The following EEFSEC variants were observed in gnomAD, a reference collection of about 807,000 sequenced individuals.
EEFSEC encodes eukaryotic elongation factor, selenocysteine-tRNA specific, also known as selenocysteine-specific elongation factor.
Under a neutral mutation model 42.1 loss-of-function variants are expected in EEFSEC, and 43 were observed. The ratio of observed to expected loss-of-function variants is 1.02; its 90% CI spans 0.80 to 1.32. The LOEUF is 1.32. Ranked by LOEUF, EEFSEC falls within the 40% of genes most tolerant of loss-of-function variation. The pLI is 0.00. For missense variants in EEFSEC, 745 were observed against 803.6 expected, an observed-to-expected ratio of 0.93 and a Z score of 0.88; for synonymous variants, 354 against 339.1, an observed-to-expected ratio of 1.04 and a Z score of -0.48.
intron 4 of EEFSEC, among the ~76,000 whole-genome samples, chr3:128,269,519 T>A (rs562317341): frequency 6.6e-6 from 1 of 152,342 alleles, no homozygotes; most frequent in South Asian, 2.1e-4. Flanking sequence ...CACAGTGACA[T>A]CCCTGTCAGA....
chr3:128,184,598 T>TTA (rs1165561026), intron 1 of EEFSEC, among the ~76,000 whole-genome samples: 1 of 152,218 alleles, frequency 6.6e-6, no homozygotes, highest in Non-Finnish European at 1.5e-5. Context: ...GTATATTTAT[T>TTA]TATAGCCATC....
At chr3:128,277,087 G>T (rs1051504029) in intron 4 of EEFSEC, among the ~76,000 whole-genome samples, 1 of 152,246 alleles carries the variant, frequency 6.6e-6, no homozygotes, top group Non-Finnish European at 1.5e-5. Flanking sequence ...ACCTCAGGGA[G>T]GGCAGACCAC....
chr3:128,301,775 G>A (rs1024256026), intron 4 of EEFSEC, among the ~76,000 whole-genome samples: 28 of 152,298 alleles, frequency 1.8e-4, no homozygotes, highest in African/African-American at 6.7e-4. Flanking sequence ...AAAGAGACTG[G>A]TGTGCAGAAG....
intron 6 of EEFSEC, among the ~76,000 whole-genome samples, chr3:128,363,936 T>G (rs79355513): frequency 8.5e-5 from 13 of 152,122 alleles, no homozygotes; most frequent in African/African-American, 3.1e-4. Flanking sequence ...GACACCAACC[T>G]CATCAGACTC....
chr3:128,265,608 A>G (rs758498563), intron 4 of EEFSEC, among the ~76,000 whole-genome samples: 4 of 152,200 alleles, frequency 2.6e-5, no homozygotes, highest in Admixed American at 2.6e-4. Flanking sequence ...TAATCCTTGA[A>G]GGAGCCTACA....
intron 1 of EEFSEC, among the ~76,000 whole-genome samples, chr3:128,157,110 A>C (rs1944394523): frequency 6.6e-6 from 1 of 152,232 alleles, no homozygotes; most frequent in Non-Finnish European, 1.5e-5. Context: ...TTTATAGAGA[A>C]AGTTTTAGTG....
intron 4 of EEFSEC, among the ~76,000 whole-genome samples, chr3:128,310,335 T>C (rs2066876335): frequency 6.6e-6 from 1 of 152,256 alleles, no homozygotes; most frequent in Non-Finnish European, 1.5e-5. Flanking sequence ...CATCTCCGCA[T>C]CTTTCAGCTT....
intron 4 of EEFSEC, among the ~76,000 whole-genome samples, chr3:128,313,088 A>C (rs899265914): frequency 6.6e-6 from 1 of 152,180 alleles, no homozygotes; most frequent in African/African-American, 2.4e-5. Context: ...GATGAGGATG[A>C]CCATGGGAAG....
chr3:128,275,309 A>G (rs561666545), intron 4 of EEFSEC, among the ~76,000 whole-genome samples: 2 of 152,330 alleles, frequency 1.3e-5, no homozygotes, highest in South Asian at 4.1e-4. Context: ...TGCCTGGTCC[A>G]CAAAGGAGTA....
intron 1 of EEFSEC, among the ~76,000 whole-genome samples, chr3:128,236,251 A>G (rs944730004): frequency 2.0e-5 from 3 of 152,256 alleles, no homozygotes; most frequent in African/African-American, 7.2e-5. Flanking sequence ...TTGGGATTAT[A>G]GGCGTGAGCC....
At chr3:128,201,687 CTT>C (rs2065645559) in intron 1 of EEFSEC, among the ~76,000 whole-genome samples, 1 of 152,078 alleles carries the variant, frequency 6.6e-6, no homozygotes, top group Non-Finnish European at 1.5e-5. Context: ...TTAATGGTGT[CTT>C]TTGATAACCA....
rs913794681 is a variant in EEFSEC at position 128,341,877 on chromosome 3, C to T, written c.1431C>T (p.Gly477=). The T allele has an allele frequency of 6.2e-7, 1 of 1,612,776 alleles. No homozygotes were observed. Among genetic ancestry groups the T allele is most frequent in the East Asian group, 2.2e-5 (1 of 44,868 alleles). The change falls in exon 5 of 7, where the codon GGC becomes GGT. Residue 477 remains glycine, a synonymous_variant. Transcript: ENST00000254730. ...LKVYKLKHKH[G]LVERAMDDYS... ...TGTACAAGCTGAAGCACAAGCATGG[C>T]CTTGTGGAGCGGGTGAGCATGCCCT...
intron 4 of EEFSEC, among the ~76,000 whole-genome samples, chr3:128,306,758 CA>C (rs1228738722): frequency 6.6e-6 from 1 of 152,216 alleles, no homozygotes; most frequent in African/African-American, 2.4e-5. Flanking sequence ...GCTATCCTTT[CA>C]AGGTACTTCT....
chr3:128,160,810 A>G (rs918618641), intron 1 of EEFSEC, among the ~76,000 whole-genome samples: 34 of 152,172 alleles, frequency 2.2e-4, no homozygotes, highest in African/African-American at 7.0e-4. Context: ...ACGCGCGCAC[A>G]CACACACACA....
chr3:128,393,537 C>T (rs777889611), intron 6 of EEFSEC, among the ~76,000 whole-genome samples: 31 of 152,188 alleles, frequency 2.0e-4, no homozygotes, highest in Non-Finnish European at 2.2e-4. Context: ...GGCCTATGCA[C>T]TCCAAGACCG....
chr3:128,359,102 C>T (rs939229734), intron 6 of EEFSEC, among the ~76,000 whole-genome samples: 4 of 151,984 alleles, frequency 2.6e-5, no homozygotes, highest in Admixed American at 6.6e-5. Flanking sequence ...AAAGCAGGGA[C>T]GAGATGGAAT....
intron 1 of EEFSEC, among the ~76,000 whole-genome samples, chr3:128,194,445 A>T (rs974498184): frequency 3.3e-5 from 5 of 152,200 alleles, no homozygotes. Flanking sequence ...TTGTTTTAAC[A>T]ATAAGTTATT....
At position 128,341,427 on chromosome 3, in the gene EEFSEC, G is replaced by A. The variant is rs138685363; in HGVS notation, c.981G>A (p.Gly327=). ...TGGAAAAGATACCGTATTTCCGGGG[G>A]CCCCTGCAAACCAAGGCCAAGTTCC... ...ISVEKIPYFR[G]PLQTKAKFHI... The change falls in exon 5 of 7, where the codon GGG becomes GGA. Residue 327 remains glycine (G), a synonymous_variant. Transcript: ENST00000254730. 2.2e-5 allele frequency: 35 copies of A among 1,614,142 alleles called. No individual in the cohort carries two copies. In the African/African-American group the frequency reaches 3.1e-4, roughly 14 times the overall value.
At chr3:128,332,732 C>G (rs2067147673) in intron 4 of EEFSEC, among the ~76,000 whole-genome samples, 1 of 152,208 alleles carries the variant, frequency 6.6e-6, no homozygotes. Flanking sequence ...GCTGGGATCT[C>G]AACCTGCAGG....
Sources: allele counts gnomAD v4.1 joint callset (sites outside exome capture counted in the v4.1 genomes callset), GRCh38; gene constraint gnomAD v4.1.1; transcripts MANE v1.5; gene names NCBI Gene and HGNC (gene_info 2026-07-23, HGNC 2026-07-21).